Variants in FAT4 observed in about 807,000 individuals in gnomAD.
FAT4 encodes the protein protocadherin Fat 4.
Under a neutral mutation model 303.9 loss-of-function variants are expected in FAT4, and 84 were observed. The observed-to-expected ratio is 0.28, with a 90% CI of 0.23 to 0.33. FAT4 has a LOEUF of 0.33. Among genes scored for constraint, FAT4 ranks in the 10% least tolerant of loss-of-function variants. FAT4 has a pLI of 1.00. For synonymous variants in FAT4, 2,307 were observed against 2,298.8 expected (o/e 1.00, Z -0.10); for missense variants, 6,005 against 6,146.8 (o/e 0.98, Z 0.77).
chr4:125,417,960 C>T (rs983685319), intron 7 of FAT4, among the ~76,000 whole-genome samples: 3 of 152,168 alleles, frequency 2.0e-5, no homozygotes, highest in African/African-American at 7.2e-5. Flanking sequence ...CTTGGATACT[C>T]TTGATATGAA....
chr4:125,490,883 A>C lies in FAT4; in HGVS notation c.14067A>C (p.Leu4689=). The part of the protein sequence containing the change: ...SYGQGLRTSS[L]SHSACPTPNP... ...GTCAAGGTTTGAGAACCAGCTCCCT[A>C]AGCCACTCAGCATGCCCAACTCCCA... The change falls in exon 18 of 18, where the codon CTA becomes CTC. Residue 4689 remains leucine (L), a synonymous_variant. Transcript: ENST00000394329. 1.2e-6 allele frequency: 2 copies of C among 1,614,146 alleles called. No homozygotes were observed. The highest frequency in any genetic ancestry group is 1.7e-6 in the Non-Finnish European group (2 of 1,180,036).
At chr4:125,414,817 G>C in intron 5 of FAT4, 67 bp from the exon 6 acceptor site, 3 of 1,082,790 alleles carry the variant, frequency 2.8e-6, no homozygotes, top group Non-Finnish European at 4.1e-6. Flanking sequence ...CTTGCTAAAA[G>C]TTTTGGTATA....
At chr4:125,394,855 A>G (rs957753347) in intron 2 of FAT4, among the ~76,000 whole-genome samples, 12 of 152,196 alleles carry the variant, frequency 7.9e-5, no homozygotes, top group African/African-American at 2.9e-4. Context: ...GTATTTTCCC[A>G]GGGATGACTG....
At chr4:125,332,292 C>T (rs538348065) in intron 2 of FAT4, among the ~76,000 whole-genome samples, 25 of 151,884 alleles carry the variant, frequency 1.6e-4, no homozygotes, top group African/African-American at 4.8e-4. Context: ...TAGACTAGCA[C>T]CCAGGTTTAT....
At chr4:125,436,795 A>G (rs997071013) in intron 8 of FAT4, among the ~76,000 whole-genome samples, 1 of 152,078 alleles carries the variant, frequency 6.6e-6, no homozygotes. Flanking sequence ...AGCTGCCCCC[A>G]TGATTCAATT....
intron 13 of FAT4, among the ~76,000 whole-genome samples, chr4:125,476,806 G>A (rs988383067): frequency 2.6e-5 from 4 of 152,002 alleles, no homozygotes; most frequent in Non-Finnish European, 5.9e-5. Flanking sequence ...CATCTCTTCA[G>A]GGAAGGAGCA....
At chr4:125,476,104 G>A (rs1415075658) in intron 12 of FAT4, 67 bp from the exon 13 acceptor site, 18 of 883,644 alleles carry the variant, frequency 2.0e-5, no homozygotes, top group South Asian at 5.2e-5. Flanking sequence ...CATGGGTAGT[G>A]TTGGCTGGAA....
chr4:125,465,165 C>T (rs1159973009), intron 11 of FAT4, among the ~76,000 whole-genome samples: 1 of 152,136 alleles, frequency 6.6e-6, no homozygotes, highest in African/African-American at 2.4e-5. Context: ...GGCAAAACTA[C>T]CCCAAGACGA....
intron 2 of FAT4, among the ~76,000 whole-genome samples, chr4:125,339,671 T>C (rs909673647): frequency 2.0e-5 from 3 of 152,194 alleles, no homozygotes; most frequent in Admixed American, 6.5e-5. Flanking sequence ...ATAGTTATCG[T>C]TGTTATTACC....
In FAT4 at chr4:125,363,670, T is replaced by G. The variant is rs1211031334; in HGVS notation, c.5176-35114T>G. On this transcript the variant is annotated intron_variant, in intron 2 of 17. Transcript: ENST00000394329. ...GCCACCACTCCTGGCTAATTTTTTG[T>G]ATTTTAGTAGAGACGGGGTTTCACT... 2.0e-5 allele frequency among the ~76,000 whole-genome samples: 3 copies of G among 152,006 alleles called. No homozygotes were observed. In the East Asian group the frequency reaches 5.8e-4, roughly 29 times the overall value.
In FAT4 at chr4:125,415,290, T is replaced by G. The variant is rs1398593374; in HGVS notation, c.6327T>G (p.Thr2109=). Residue 2109 remains threonine (T), a synonymous_variant, in exon 6 of 18, where the codon ACT becomes ACG. Transcript: ENST00000394329. ...IGTIDGEVRL[T]GELDREEVSN... Reference sequence around the variant, plus strand: ...CCATTGATGGTGAAGTGAGGCTCACTGGAGAACTGGACAGAGAAGAAGTTT... The same window carrying G: ...CCATTGATGGTGAAGTGAGGCTCACGGGAGAACTGGACAGAGAAGAAGTTT... 1 of 1,614,094 alleles carries G rather than the reference T, an allele frequency of 6.2e-7. No homozygotes were observed. Among genetic ancestry groups the G allele is most frequent in the Admixed American group, 1.7e-5 (1 of 60,006 alleles).
chr4:125,456,710 T>C (rs893258887), intron 10 of FAT4, among the ~76,000 whole-genome samples: 1 of 152,280 alleles, frequency 6.6e-6, no homozygotes, highest in African/African-American at 2.4e-5. Flanking sequence ...TTTTACCTAG[T>C]CTCTGCCAGA....
intron 2 of FAT4, among the ~76,000 whole-genome samples, chr4:125,378,322 T>C (rs1367097202): frequency 6.6e-6 from 1 of 152,082 alleles, no homozygotes; most frequent in African/African-American, 2.4e-5. Flanking sequence ...TTGCTATATA[T>C]TTATCACCTA....
At chr4:125,348,221 C>A (rs938269367) in intron 2 of FAT4, among the ~76,000 whole-genome samples, 1 of 151,740 alleles carries the variant, frequency 6.6e-6, no homozygotes, top group Non-Finnish European at 1.5e-5. Context: ...AGTTTCTATA[C>A]GAAGCATATT....
intron 4 of FAT4, 123 bp downstream of exon 4, chr4:125,407,264 T>C: frequency 1.2e-6 from 1 of 854,960 alleles, no homozygotes; most frequent in Non-Finnish European, 1.8e-6. Flanking sequence ...GTTATAAAAA[T>C]ATATATGCTG....
chr4:125,391,070 G>C (rs1357792821), intron 2 of FAT4, among the ~76,000 whole-genome samples: 1 of 152,060 alleles, frequency 6.6e-6, no homozygotes, highest in Non-Finnish European at 1.5e-5. Flanking sequence ...ACACTGTTGG[G>C]GGTAATGTAA....
intron 2 of FAT4, among the ~76,000 whole-genome samples, chr4:125,341,188 A>T (rs2125968288): frequency 6.6e-6 from 1 of 152,322 alleles, no homozygotes; most frequent in South Asian, 2.1e-4. Context: ...AAGAAAAAAA[A>T]TGACAAAAGT....
At chr4:125,464,110 G>C (rs1726575239) in intron 11 of FAT4, among the ~76,000 whole-genome samples, 1 of 151,734 alleles carries the variant, frequency 6.6e-6, no homozygotes, top group Non-Finnish European at 1.5e-5. Flanking sequence ...TTTTAATTTT[G>C]TTTTTTATGT....
intron 2 of FAT4, among the ~76,000 whole-genome samples, chr4:125,360,919 T>A (rs1028164988): frequency 7.6e-6 from 1 of 131,742 alleles, no homozygotes; most frequent in Admixed American, 8.7e-5. Flanking sequence ...ATTTATTATT[T>A]ATTTTATTTA....
Sources: gnomAD v4.1 joint callset for allele counts (sites outside exome capture counted in the v4.1 genomes callset) on GRCh38, gnomAD v4.1.1 for gene constraint, MANE v1.5 for transcripts, NCBI Gene and HGNC (gene_info 2026-07-23, HGNC 2026-07-21) for gene names.